Variants in NR6A1 observed in about 807,000 individuals in gnomAD.
NR6A1 encodes nuclear receptor subfamily 6 group A member 1.
In NR6A1, 7 loss-of-function variants were observed where a neutral mutation model predicts 59.1. The ratio of observed to expected loss-of-function variants is 0.12; its 90% CI spans 0.07 to 0.22. The LOEUF (loss-of-function observed/expected upper bound fraction) is 0.22. NR6A1 is among the 10% of genes least tolerant of loss of function. The probability of loss-of-function intolerance (pLI) is 1.00; values close to 1 mark genes in which losing one functional copy is unlikely to be tolerated. For synonymous variants in NR6A1, 243 were observed against 236.1 expected, an observed-to-expected ratio of 1.03 and a Z score of -0.27; for missense variants, 468 against 611.6, an observed-to-expected ratio of 0.77 and a Z score of 2.48.
chr9:124,651,062 G>A (rs1837087454), intron 2 of NR6A1, among the ~76,000 whole-genome samples: 1 of 152,010 alleles, frequency 6.6e-6, no homozygotes, highest in Non-Finnish European at 1.5e-5. Flanking sequence ...AGCTCTTTTT[G>A]TTTTTCTTTT....
chr9:124,637,892 CAA>C (rs796714741), intron 2 of NR6A1, among the ~76,000 whole-genome samples: 108 of 78,992 alleles, frequency 1.4e-3, no homozygotes, highest in African/African-American at 4.3e-3. Flanking sequence ...ACTCCCTCTC[CAA>C]AAAAAAAAAA....
chr9:124,648,796 T>C (rs148877493), intron 2 of NR6A1, among the ~76,000 whole-genome samples: 35 of 150,870 alleles, frequency 2.3e-4, no homozygotes, highest in Middle Eastern at 3.4e-3. Flanking sequence ...AGCATTTCTA[T>C]ATGCCAACAG....
chr9:124,542,677 G>A (rs1018931979), intron 4 of NR6A1, among the ~76,000 whole-genome samples: 14 of 152,198 alleles, frequency 9.2e-5, no homozygotes, highest in African/African-American at 3.1e-4. Flanking sequence ...TTTAGTGGTT[G>A]CCTCTTGGCT....
intron 2 of NR6A1, among the ~76,000 whole-genome samples, chr9:124,670,998 G>A (rs1408023117): frequency 1.3e-5 from 2 of 152,174 alleles, no homozygotes; most frequent in African/African-American, 4.8e-5. Context: ...AGGACATTAT[G>A]CTAAATGAAA....
At chr9:124,587,099 C>G (rs897817789) in intron 2 of NR6A1, among the ~76,000 whole-genome samples, 10 of 152,210 alleles carry the variant, frequency 6.6e-5, no homozygotes, top group African/African-American at 2.4e-4. Context: ...CAGTTAGCAG[C>G]CATCAACACT....
At chr9:124,552,398 G>A (rs1833805426) in intron 3 of NR6A1, among the ~76,000 whole-genome samples, 3 of 152,166 alleles carry the variant, frequency 2.0e-5, no homozygotes, top group Admixed American at 2.0e-4. Context: ...TACAGGCACA[G>A]CAGTGTAAGG....
chr9:124,740,440 T>C (rs749524451), intron 1 of NR6A1, among the ~76,000 whole-genome samples: 12 of 151,640 alleles, frequency 7.9e-5, no homozygotes, highest in Non-Finnish European at 1.5e-4. Context: ...TCAATTGCAA[T>C]TCAAGTCTTA....
chr9:124,565,884 C>T (rs182567735), intron 2 of NR6A1, among the ~76,000 whole-genome samples: 2 of 152,300 alleles, frequency 1.3e-5, no homozygotes, highest in East Asian at 3.9e-4. Flanking sequence ...TTTGTTTACA[C>T]AATCACTATG....
At chr9:124,553,567 T>G (rs1272810874) in intron 3 of NR6A1, among the ~76,000 whole-genome samples, 1 of 143,940 alleles carries the variant, frequency 6.9e-6, no homozygotes, top group Non-Finnish European at 1.5e-5. Flanking sequence ...TTTTTTTTTT[T>G]TTTTTTTCGT....
Position 124,522,589 on chromosome 9 carries a change from G to A in NR6A1, c.*116C>T. On this transcript the variant is annotated 3_prime_UTR_variant, in exon 10 of 10. Transcript: ENST00000487099. Reference sequence around the variant, plus strand: ...AACAAAAACTCTTCTTGCTATGGAGGCAACGGGAAATGCTGCTCCACAGCC... The same window carrying A: ...AACAAAAACTCTTCTTGCTATGGAGACAACGGGAAATGCTGCTCCACAGCC... 2 of 654,062 alleles carry A rather than the reference G, an allele frequency of 3.1e-6. No homozygotes were observed. The highest frequency in any genetic ancestry group is 2.6e-6 in the Non-Finnish European group (1 of 387,190). The allele number at this position is 654,062 out of a possible 1,614,324, so 40.5% of individuals were successfully genotyped here. A position where few individuals can be genotyped will look rare whatever the true frequency, so the allele number is the denominator to read the frequency against.
rs565414273 is a variant in NR6A1 at position 124,644,045 on chromosome 9, C to A, written c.142+89263G>T. On this transcript the variant is annotated intron_variant, in intron 2 of 9. Transcript: ENST00000487099. ...CCTCCCAAGTAGCTGGGATTACAGG[C>A]ACGCGCCACCATGCCCTGCTAATTT... Among the ~76,000 whole-genome samples, 37 of 152,146 alleles carry A rather than the reference C, an allele frequency of 2.4e-4. No homozygotes were observed. In the East Asian group the frequency reaches 6.8e-3, roughly 28 times the overall value.
In NR6A1 at chr9:124,526,272, T is replaced by TTG. The variant is rs1204703211; in HGVS notation, c.1201+505_1201+506dup. Reference sequence around the variant, plus strand: ...TCTTTTAATTAAAAGCCATGCTTGATTGTGTGTATGTGTGTATGTGTGTGT... The same window carrying TTG: ...TCTTTTAATTAAAAGCCATGCTTGATTGTGTGTGTATGTGTGTATGTGTGTGT... On this transcript the variant is annotated intron_variant, in intron 8 of 9. Coordinates refer to ENST00000487099, the MANE Select transcript of NR6A1 (RefSeq NM_033334.4). 2.7e-5 allele frequency among the ~76,000 whole-genome samples: 4 copies of TTG among 150,176 alleles called. No individual in the cohort carries two copies. The South Asian group carries it at 8.5e-4, about 32-fold the overall frequency.
rs900647135 is a variant in NR6A1 at position 124,564,744 on chromosome 9, G to C, written c.143-10174C>G. Among the ~76,000 whole-genome samples, 16 of 151,472 alleles carry C rather than the reference G, an allele frequency of 1.1e-4. No homozygotes were observed. The East Asian group carries it at 3.1e-3, about 29-fold the overall frequency. On this transcript the variant is annotated intron_variant, in intron 2 of 9. Transcript: ENST00000487099. ...ACAAGCTAATTCTGAAATGTATACG[G>C]AAATGCAAAAGAACAAAACTAGTAC...
chr9:124,632,253 A>C (rs776282023), intron 2 of NR6A1, among the ~76,000 whole-genome samples: 1 of 152,222 alleles, frequency 6.6e-6, no homozygotes, highest in Non-Finnish European at 1.5e-5. Flanking sequence ...ACACTCTTCC[A>C]CAATAGTTGA....
At chr9:124,566,916 G>A (rs866315878) in intron 2 of NR6A1, among the ~76,000 whole-genome samples, 32 of 152,150 alleles carry the variant, frequency 2.1e-4, no homozygotes, top group Middle Eastern at 3.4e-3. Context: ...AGACCATCCC[G>A]GCTAAAACGG....
chr9:124,636,467 G>T (rs947171858), intron 2 of NR6A1, among the ~76,000 whole-genome samples: 1 of 152,088 alleles, frequency 6.6e-6, no homozygotes, highest in Non-Finnish European at 1.5e-5. Context: ...CTTTGGTGTT[G>T]TATCTAAAAC....
chr9:124,574,559 A>G (rs1037358601), intron 2 of NR6A1, among the ~76,000 whole-genome samples: 5 of 152,210 alleles, frequency 3.3e-5, no homozygotes, highest in Admixed American at 2.6e-4. Flanking sequence ...CCTGGTCTTA[A>G]TATAATCTGT....
chr9:124,724,119 C>T (rs1653338163), intron 2 of NR6A1, among the ~76,000 whole-genome samples: 2 of 152,096 alleles, frequency 1.3e-5, no homozygotes, highest in African/African-American at 2.4e-5. Flanking sequence ...TTGTGAAAAT[C>T]GTTTCATGAC....
At chr9:124,710,939 T>C (rs1015014921) in intron 2 of NR6A1, among the ~76,000 whole-genome samples, 8 of 152,182 alleles carry the variant, frequency 5.3e-5, no homozygotes, top group African/African-American at 1.9e-4. Context: ...GTTAGTTTGA[T>C]TCATGTGGTG....
Sources: allele counts gnomAD v4.1 joint callset (sites outside exome capture counted in the v4.1 genomes callset), GRCh38; gene constraint gnomAD v4.1.1; transcripts MANE v1.5; gene names NCBI Gene and HGNC (gene_info 2026-07-23, HGNC 2026-07-21).